The following DNAH11 variants were observed in gnomAD, a reference collection of about 807,000 sequenced individuals.
The protein encoded by DNAH11 is dynein axonemal heavy chain 11, also known as axonemal beta dynein heavy chain 11.
DNAH11 carries 442 observed loss-of-function variants against 526.0 expected under a neutral mutation model. The observed-to-expected ratio is 0.84, with a 90% CI of 0.78 to 0.91. DNAH11 has a LOEUF of 0.91. Ranked by LOEUF, DNAH11 falls within the 40% of genes least tolerant of loss-of-function variation. The probability of loss-of-function intolerance (pLI) is 0.00; values close to 1 mark genes in which losing one functional copy is unlikely to be tolerated. For missense variants in DNAH11, 6,989 were observed against 5,448.7 expected (o/e 1.28, Z -8.90); for synonymous variants, 2,461 against 1,935.9 (o/e 1.27, Z -7.12).
chr7:21,543,109 G>T lies in DNAH11; in HGVS notation c.-137G>T. On this transcript the variant is annotated 5_prime_UTR_variant, in exon 1 of 82. Transcript: ENST00000409508. The stretch of plus-strand genomic sequence containing the variant: ...TGGCGCGGCTGCTAAGTAGCAGCAG[G>T]TGGGAGACTAGGGTCTGCGCTCGCG... 7.0e-7 allele frequency: 1 copy of T among 1,421,184 alleles called. No homozygotes were observed. Among genetic ancestry groups the T allele is most frequent in the Non-Finnish European group, 9.1e-7 (1 of 1,094,722 alleles). The allele number at this position is 1,421,184 out of a possible 1,614,324, so 88.0% of individuals were successfully genotyped here.
intron 45 of DNAH11, among the ~76,000 whole-genome samples, chr7:21,728,551 G>T (rs1420513424): frequency 6.6e-6 from 1 of 152,012 alleles, no homozygotes; most frequent in African/African-American, 2.4e-5. Context: ...GAGCCGCCAC[G>T]CCCGGCCTAC....
chr7:21,600,248 C>T, intron 15 of DNAH11, 129 bp downstream of exon 15: 1 of 786,516 alleles, frequency 1.3e-6, no homozygotes, highest in Non-Finnish European at 1.9e-6. Context: ...TTGCTTGGGC[C>T]CAAGAGTTCA....
chr7:21,551,507 A>G (rs1375745660), intron 2 of DNAH11, among the ~76,000 whole-genome samples: 1 of 152,214 alleles, frequency 6.6e-6, no homozygotes, highest in Non-Finnish European at 1.5e-5. Context: ...AGGCATATTT[A>G]GAATCAGTAT....
rs1229717211 is a variant in DNAH11, at chr7:21,864,524, C to T, written c.11374-11C>T. The T allele has an allele frequency of 1.3e-5, 21 of 1,607,536 alleles. No homozygotes were observed. Among genetic ancestry groups the T allele is most frequent in the Non-Finnish European group, 1.6e-5 (19 of 1,177,530 alleles). ...ACCTAATAATCCTTTTCAATTTTGT[C>T]TACTCTCAAGATTTTGTTGAGAAAG... On this transcript the variant is annotated splice_polypyrimidine_tract_variant and intron_variant, in intron 69 of 81. Coordinates refer to ENST00000409508, the MANE Select transcript of DNAH11 (RefSeq NM_001277115.2).
At chr7:21,686,014 C>T (rs1315486899) in intron 32 of DNAH11, among the ~76,000 whole-genome samples, 10 of 152,112 alleles carry the variant, frequency 6.6e-5, no homozygotes, top group African/African-American at 1.4e-4. Context: ...AATTACAAGG[C>T]GAAAATCTCT....
In DNAH11 at chr7:21,861,993, G is replaced by A; in HGVS notation, c.11343G>A (p.Lys3781=). The A allele has an allele frequency of 2.5e-6, 4 of 1,613,178 alleles. No homozygotes were observed. The highest frequency in any genetic ancestry group is 3.4e-6 in the Non-Finnish European group (4 of 1,179,560). ...GCCAGGCGCTGTTTGAGAAGGACAA[G>A]CTCACCTTCCTGTCCCAGATGGCTT... is the stretch of plus-strand genomic sequence containing the variant. ...YTSQALFEKD[K]LTFLSQMAFQ... The change falls in exon 69 of 82, where the codon AAG becomes AAA. Residue 3781 remains lysine (K), a synonymous_variant. Transcript: ENST00000409508.
In DNAH11 at chr7:21,543,151, G is replaced by A; in HGVS notation, c.-95G>A. The A allele has an allele frequency of 7.0e-7, 1 of 1,437,448 alleles. No homozygotes were observed. The highest frequency in any genetic ancestry group is 9.1e-7 in the Non-Finnish European group (1 of 1,102,716). 89.0% of individuals were successfully genotyped at this position (1,437,448 alleles called of 1,614,324 possible). A position where few individuals can be genotyped will look rare whatever the true frequency, so the allele number is the denominator to read the frequency against. ...GCGCTCGCGGCGACCGCGGAGGAGG[G>A]TGGGCGCCTGCGGAGGTGTCCTCGC... On this transcript the variant is annotated 5_prime_UTR_variant, in exon 1 of 82. In the 5' UTR this introduces an upstream ATG that the reference lacks. Transcript: ENST00000409508.
chr7:21,801,596 C>T (rs901371340), intron 62 of DNAH11, among the ~76,000 whole-genome samples: 10 of 152,278 alleles, frequency 6.6e-5, no homozygotes, highest in Admixed American at 3.9e-4. Flanking sequence ...GGGTTATGTA[C>T]TTATTTTTTC....
At chr7:21,836,851 G>A (rs968278711) in intron 65 of DNAH11, among the ~76,000 whole-genome samples, 3 of 152,068 alleles carry the variant, frequency 2.0e-5, no homozygotes, top group African/African-American at 7.2e-5. Context: ...GCCTCTGACA[G>A]TCAAGAGCTT....
intron 55 of DNAH11, among the ~76,000 whole-genome samples, chr7:21,773,250 A>AT (rs1787517321): frequency 6.7e-6 from 1 of 149,864 alleles, no homozygotes; most frequent in African/African-American, 2.5e-5. Flanking sequence ...TGATCATGAT[A>AT]TTTTTCTCCC....
intron 48 of DNAH11, among the ~76,000 whole-genome samples, chr7:21,740,519 C>A (rs1468318925): frequency 6.6e-6 from 1 of 152,190 alleles, no homozygotes; most frequent in African/African-American, 2.4e-5. Context: ...AGCATAATGT[C>A]TAGGGTTCAT....
In DNAH11 at chr7:21,677,784, T is replaced by A. The variant is rs1471079267; in HGVS notation, c.5329-3762T>A. 2.0e-5 allele frequency among the ~76,000 whole-genome samples: 3 copies of A among 152,242 alleles called. No individual in the cohort carries two copies. In the East Asian group the frequency reaches 5.8e-4, roughly 29 times the overall value. On this transcript the variant is annotated intron_variant, in intron 30 of 81. Transcript: ENST00000409508. ...TTTATTATAGCCAGTGTAATGGGTG[T>A]GAGGTGATAGCTCATTGTGGTTTTG... is the stretch of plus-strand genomic sequence containing the variant.
intron 63 of DNAH11, among the ~76,000 whole-genome samples, chr7:21,814,207 C>T (rs1302415451): frequency 3.9e-5 from 6 of 152,072 alleles, no homozygotes; most frequent in African/African-American, 1.2e-4. Flanking sequence ...ACACCTATCG[C>T]GAATGGAGCA....
intron 55 of DNAH11, among the ~76,000 whole-genome samples, chr7:21,771,647 C>T (rs911010834): frequency 6.6e-6 from 1 of 152,168 alleles, no homozygotes; most frequent in Non-Finnish European, 1.5e-5. Flanking sequence ...TACTGGCACT[C>T]TGCTTATTTT....
intron 30 of DNAH11, among the ~76,000 whole-genome samples, chr7:21,666,615 G>A (rs937559641): frequency 6.6e-6 from 1 of 151,952 alleles, no homozygotes; most frequent in Non-Finnish European, 1.5e-5. Context: ...GCCAATTTTT[G>A]GCCTCACTTT....
At chr7:21,570,961 C>T (rs891848274) in intron 7 of DNAH11, among the ~76,000 whole-genome samples, 1 of 151,250 alleles carries the variant, frequency 6.6e-6, no homozygotes, top group Non-Finnish European at 1.5e-5. Context: ...TGGGCATTGT[C>T]ATTGATAAAG....
intron 24 of DNAH11, among the ~76,000 whole-genome samples, chr7:21,619,605 A>C (rs67504982): frequency 2.0e-5 from 3 of 152,032 alleles, no homozygotes; most frequent in Admixed American, 1.3e-4. Context: ...CACACAGAAG[A>C]CTGAGATTCA....
In DNAH11 at chr7:21,619,222, G is replaced by A. The variant is rs1583534756; in HGVS notation, c.4377G>A (p.Lys1459=). ...CGGTGAAAGAGCTGGGGACTGAGAA[G>A]GTAGTGTCCTCGGGACTGGGTCATT... ...DKAVKELGTE[K]VITEISQTWA... is the part of the protein sequence containing the mutation. Residue 1459 remains lysine (K), a splice_region_variant and synonymous_variant, in exon 24 of 82, where the codon AAG becomes AAA. Transcript: ENST00000409508. 1.2e-6 allele frequency: 2 copies of A among 1,612,594 alleles called. No homozygotes were observed. Among genetic ancestry groups the A allele is most frequent in the Non-Finnish European group, 1.7e-6 (2 of 1,179,212 alleles).
At position 21,591,618 on chromosome 7, in the gene DNAH11, T is replaced by C. The variant is rs558270191; in HGVS notation, c.2667+41T>C. 73 of 1,496,054 alleles carry C rather than the reference T, an allele frequency of 4.9e-5. No individual in the cohort carries two copies. The East Asian group carries it at 1.5e-3, about 30-fold the overall frequency. 92.7% of individuals were successfully genotyped at this position (1,496,054 alleles called of 1,614,324 possible). On this transcript the variant is annotated intron_variant, in intron 14 of 81. Coordinates refer to ENST00000409508, the MANE Select transcript of DNAH11 (RefSeq NM_001277115.2). ...CTTTCAAGATTTATAGATCTTTTCA[T>C]TGAGTTCAGAGAAGAGCAAAAATCT...
Sources: gnomAD v4.1 joint callset for allele counts (sites outside exome capture counted in the v4.1 genomes callset) on GRCh38, gnomAD v4.1.1 for gene constraint, MANE v1.5 for transcripts, NCBI Gene and HGNC (gene_info 2026-07-23, HGNC 2026-07-21) for gene names.